Variants in CAPN12 observed in about 807,000 individuals in gnomAD.
CAPN12 encodes the protein calpain-12.
A neutral mutation model predicts 95.0 loss-of-function variants in CAPN12; 107 were observed. The ratio of observed to expected loss-of-function variants is 1.13; its 90% CI spans 0.96 to 1.32. The LOEUF (loss-of-function observed/expected upper bound fraction) is 1.32. Ranked by LOEUF, CAPN12 falls within the 40% of genes most tolerant of loss-of-function variation. The pLI is 0.00. For missense variants in CAPN12, 1,136 were observed against 997.8 expected, an observed-to-expected ratio of 1.14 and a Z score of -1.87; for synonymous variants, 505 against 415.5, an observed-to-expected ratio of 1.22 and a Z score of -2.62.
rs1970760682 is a variant in CAPN12, at chr19:38,744,281, T to A, written c.-116A>T. The A allele has an allele frequency of 4.2e-6, 4 of 942,530 alleles. No individual in the cohort carries two copies. The highest frequency in any genetic ancestry group is 1.9e-5 in the Admixed American group (1 of 51,530). The allele number at this position is 942,530 out of a possible 1,614,324, so 58.4% of individuals were successfully genotyped here. ...TCTTTAGGCAATGAGGAGCCTTCCC[T>A]CGTTAATATTAATTGATGGTTTGGG... On this transcript the variant is annotated 5_prime_UTR_variant, in exon 1 of 21. Transcript: ENST00000328867.
chr19:38,731,071 TCCCCCCATG>T, intron 19 of CAPN12, 27 bp downstream of exon 19: 1 of 1,573,614 alleles, frequency 6.4e-7, no homozygotes, highest in Non-Finnish European at 8.6e-7. Context: ...CCGTACCCCT[TCCCCCCATG>T]CCCCACCATG....
chr19:38,735,473 C>T (rs1969964010), intron 13 of CAPN12, 29 bp downstream of exon 13: 3 of 1,610,846 alleles, frequency 1.9e-6, no homozygotes, highest in Non-Finnish European at 2.5e-6. Flanking sequence ...ATCCCCGCCC[C>T]ATGCCGCCCC....
rs755708862 is a variant in CAPN12, at chr19:38,738,422, C to T, written c.886G>A (p.Asp296Asn). ...GCVEWTGAWS[D>N]SCPRWDTLPT... ...CCCACCCCAGACCCATCCCACCTGTCGCTCCAGGCCCCCGTCCACTCCACG... is the reference window on the plus strand; with the variant it reads ...CCCACCCCAGACCCATCCCACCTGTTGCTCCAGGCCCCCGTCCACTCCACG... Residue 296 changes from aspartate to asparagine, a missense_variant, in exon 7 of 21, where the codon GAC becomes AAC. By Grantham distance (23) the Asp-to-Asn change is conservative (BLOSUM62 1). Transcript: ENST00000328867. 18 of 1,609,716 alleles carry T rather than the reference C, an allele frequency of 1.1e-5. No individual in the cohort carries two copies. Among genetic ancestry groups the T allele is most frequent in the East Asian group, 4.5e-5 (2 of 44,782 alleles).
chr19:38,734,487 C>T, intron 15 of CAPN12, 98 bp from the exon 16 acceptor site: 2 of 1,068,768 alleles, frequency 1.9e-6, no homozygotes, highest in Non-Finnish European at 1.3e-6. Flanking sequence ...GTGATGTTGT[C>T]AGTCCCATAT....
chr19:38,740,071 G>C lies in CAPN12; in HGVS notation c.709C>G (p.Leu237Val). 3 of 1,599,222 alleles carry C rather than the reference G, an allele frequency of 1.9e-6. No homozygotes were observed. The highest frequency in any genetic ancestry group is 2.6e-6 in the Non-Finnish European group (3 of 1,171,626). Residue 237 changes from leucine (L) to valine (V), a missense_variant, in exon 5 of 21, where the codon CTC becomes GTC. Transcript: ENST00000328867. ...ALRHALAKESLVGATALSDRG... is the reference protein window; with the variant it reads ...ALRHALAKESVVGATALSDRG... The stretch of plus-strand genomic sequence containing the variant: ...CTTACCAGGGCAGTGGCGCCCACGA[G>C]GGACTCCTTGGCCAGGGCATGGCGC...
At chr19:38,736,019 GTCT>G (rs1970102833) in intron 12 of CAPN12, 88 bp downstream of exon 12, 24 of 161,476 alleles carry the variant, frequency 1.5e-4, no homozygotes, top group East Asian at 1.7e-4. Context: ...GGTCTCGGGG[GTCT>G]CGGGGGTCTC....
intron 8 of CAPN12, 142 bp from the exon 9 acceptor site, chr19:38,737,780 AT>A: frequency 9.0e-7 from 1 of 1,109,838 alleles, no homozygotes. Flanking sequence ...TGAACCCCAA[AT>A]GCCTGGGCCT....
At chr19:38,740,304 CT>C in intron 4 of CAPN12, 85 bp from the exon 5 acceptor site, 1 of 1,342,752 alleles carries the variant, frequency 7.4e-7, no homozygotes, top group African/African-American at 1.5e-5. Flanking sequence ...GGGCCTGTGT[CT>C]CAGGGTGTGG....
intron 3 of CAPN12, 76 bp from the exon 4 acceptor site, chr19:38,741,986 G>A: frequency 6.4e-7 from 1 of 1,562,278 alleles, no homozygotes; most frequent in Middle Eastern, 1.7e-4. Context: ...TGCTGTGCCA[G>A]TCCCAGAGTC....
intron 15 of CAPN12, 124 bp from the exon 16 acceptor site, chr19:38,734,513 A>C (rs1969873604): frequency 2.4e-6 from 2 of 845,216 alleles, no homozygotes; most frequent in Non-Finnish European, 1.8e-6. Context: ...AAGCCGAGGC[A>C]CAGGGAGCCA....
At position 38,739,066 on chromosome 19, in the gene CAPN12, G is replaced by A. The variant is rs867491076; in HGVS notation, c.730-418C>T. On this transcript the variant is annotated intron_variant, in intron 5 of 20. Transcript: ENST00000328867. ...AGGATCCCTTGAGCCCAGAGGTCAA[G>A]GCTATAGTGAGCTATGATGACACTA... 99 of 270,348 alleles carry A rather than the reference G, an allele frequency of 3.7e-4. 1 individual carries two copies. Among genetic ancestry groups the A allele is most frequent in the Middle Eastern group, 2.7e-3 (2 of 752 alleles). The allele number at this position is 270,348 out of a possible 1,614,324, so 16.7% of individuals were successfully genotyped here. A position where few individuals can be genotyped will look rare whatever the true frequency, so the allele number is the denominator to read the frequency against.
chr19:38,738,555 A>AC lies in CAPN12; in HGVS notation c.804+18dup. On this transcript the variant is annotated intron_variant, in intron 6 of 20. Transcript: ENST00000328867. ...ATGCCTGGACATGGCCTGCCACCCC[A>AC]CCCATGGGGGACACTTACCTTGTGT... 1.2e-6 allele frequency: 2 copies of AC among 1,613,700 alleles called. No individual in the cohort carries two copies. The highest frequency in any genetic ancestry group is 1.6e-4 in the Middle Eastern group (1 of 6,062).
intron 9 of CAPN12, 25 bp from the exon 10 acceptor site, chr19:38,737,413 T>C (rs1414972563): frequency 1.2e-6 from 2 of 1,605,658 alleles, no homozygotes; most frequent in Admixed American, 1.7e-5. Flanking sequence ...AAAAAGGGGG[T>C]TTCCTAGCCG....
chr19:38,738,317 C>G lies in CAPN12; in HGVS notation c.921G>C (p.Glu307Asp). 1 of 1,612,088 alleles carries G rather than the reference C, an allele frequency of 6.2e-7. No individual in the cohort carries two copies. The highest frequency in any genetic ancestry group is 8.5e-7 in the Non-Finnish European group (1 of 1,180,014). The change falls in exon 8 of 21, where the codon GAG (glutamate) becomes GAC (aspartate). Residue 307 changes from glutamate (E) to aspartate (D), a missense_variant. Glu to Asp is a conservative substitution (Grantham distance 45). Coordinates refer to ENST00000328867, the MANE Select transcript of CAPN12 (RefSeq NM_144691.4). ...SCPRWDTLPT[E>D]CRDALLVKKE... ...TTTTCACCAGCAGGGCATCGCGGCACTCGGTGGGGAGTGTGTCCCAGCGTG... is the reference window on the plus strand; with the variant it reads ...TTTTCACCAGCAGGGCATCGCGGCAGTCGGTGGGGAGTGTGTCCCAGCGTG...
Position 38,740,191 on chromosome 19 carries a change from C to T in CAPN12, c.589G>A (p.Gly197Ser), listed in dbSNP as rs1221951845. Residue 197 changes from glycine to serine, a missense_variant, in exon 5 of 21, where the codon GGC becomes AGC. Coordinates refer to ENST00000328867, the MANE Select transcript of CAPN12 (RefSeq NM_144691.4). Reference sequence around the variant, plus strand: ...ACAAAAGCCTCATTCATGTGGCCGCCCCGCATCACCTCATAGGAGCCGTGG... The same window carrying T: ...ACAAAAGCCTCATTCATGTGGCCGCTCCGCATCACCTCATAGGAGCCGTGG... Reference protein sequence around the residue: ...KLHGSYEVMRGGHMNEAFVDF... With the variant: ...KLHGSYEVMRSGHMNEAFVDF... 6.2e-7 allele frequency: 1 copy of T among 1,610,894 alleles called. No homozygotes were observed. The highest frequency in any genetic ancestry group is 8.5e-7 in the Non-Finnish European group (1 of 1,178,638).
At chr19:38,743,565 T>G (rs1237401909) in intron 1 of CAPN12, among the ~76,000 whole-genome samples, 3 of 76,644 alleles carry the variant, frequency 3.9e-5, no homozygotes, top group African/African-American at 1.6e-4. Flanking sequence ...CCCTCCTCCC[T>G]CAGACCCCGG....
At chr19:38,732,045 C>T (rs376396651) in intron 18 of CAPN12, among the ~76,000 whole-genome samples, 37 of 152,368 alleles carry the variant, frequency 2.4e-4, no homozygotes, top group African/African-American at 8.2e-4. Context: ...GGTGGAAGGA[C>T]CCGAGAAGGC....
chr19:38,737,300 G>GC lies in CAPN12; in HGVS notation c.1217dup (p.Trp407LeufsTer108), dbSNP rs774269407. 151 of 404,266 alleles carry GC rather than the reference G, an allele frequency of 3.7e-4. No individual in the cohort carries two copies. Among genetic ancestry groups the GC allele is most frequent in the Middle Eastern group, 5.8e-4 (1 of 1,714 alleles). The allele number at this position is 404,266 out of a possible 1,614,324, so 25.0% of individuals were successfully genotyped here. A position where few individuals can be genotyped will look rare whatever the true frequency, so the allele number is the denominator to read the frequency against. On this transcript the variant is annotated frameshift_variant, in exon 10 of 21. Transcript: ENST00000328867. LOFTEE classifies it high-confidence loss of function. The stretch of plus-strand genomic sequence containing the variant: ...GGCCCCGTGCCCCTGCAGCCCCCCA[G>GC]CCCCCCCAGGGCCCTTCCTCATCCT...
rs781433992 is a variant in CAPN12 at position 38,741,860 on chromosome 19, G to A, written c.477C>T (p.Pro159=). ...WMDVVVDDRL[P]VREGKLMFVR... ...CGAACATCAGCTTCCCCTCACGCAC[G>A]GGCAGCCTGTCATCCACCACGACGT... is the stretch of plus-strand genomic sequence containing the variant. The change falls in exon 4 of 21, where the codon CCC becomes CCT. Residue 159 remains proline, a synonymous_variant. Coordinates refer to ENST00000328867, the MANE Select transcript of CAPN12 (RefSeq NM_144691.4). The A allele has an allele frequency of 2.1e-5, 34 of 1,613,916 alleles. No individual in the cohort carries two copies. The highest frequency in any genetic ancestry group is 3.3e-5 in the Admixed American group (2 of 59,992).
Sources: gnomAD v4.1 joint callset for allele counts (sites outside exome capture counted in the v4.1 genomes callset) on GRCh38, gnomAD v4.1.1 for gene constraint, MANE v1.5 for transcripts, NCBI Gene and HGNC (gene_info 2026-07-23, HGNC 2026-07-21) for gene names.